Variants in PPP1R14C observed in about 807,000 individuals in gnomAD.
The protein encoded by PPP1R14C is protein phosphatase 1 regulatory subunit 14C.
PPP1R14C carries 16 observed loss-of-function variants against 20.4 expected under a neutral mutation model. The ratio of observed to expected loss-of-function variants is 0.78; its 90% CI spans 0.53 to 1.19. The LOEUF is 1.19. PPP1R14C is among the 50% of genes most tolerant of loss of function. The pLI, the probability that PPP1R14C is intolerant of heterozygous loss-of-function variation, is 0.00. For synonymous variants in PPP1R14C, 91 were observed against 91.0 expected (o/e 1.00, Z 0.00); for missense variants, 211 against 220.1 (o/e 0.96, Z 0.26).
At position 150,143,606 on chromosome 6, in the gene PPP1R14C, G is replaced by A; in HGVS notation, c.306+108G>A. The A allele has an allele frequency of 1.3e-6, 1 of 797,504 alleles. No individual in the cohort carries two copies. The highest frequency in any genetic ancestry group is 3.3e-5 in the East Asian group (1 of 30,302). 49.4% of individuals were successfully genotyped at this position (797,504 alleles called of 1,614,324 possible). ...CGGGGCGCGCATGTCCCTGACTCCCGGGGACCAAGTGCCAGGAGCGAGGCG... is the reference window on the plus strand; with the variant it reads ...CGGGGCGCGCATGTCCCTGACTCCCAGGGACCAAGTGCCAGGAGCGAGGCG... On this transcript the variant is annotated intron_variant, in intron 1 of 3. Coordinates refer to ENST00000361131, the MANE Select transcript of PPP1R14C (RefSeq NM_030949.3). The surrounding 1 kb of genome is among the most constrained non-coding windows in gnomAD (Gnocchi z 5.6).
intron 3 of PPP1R14C, among the ~76,000 whole-genome samples, chr6:150,227,631 C>T (rs958849797): frequency 3.3e-5 from 5 of 152,112 alleles, no homozygotes; most frequent in South Asian, 2.1e-4. Context: ...TCGAAAAAGA[C>T]GGCAATCTTG....
At chr6:150,208,452 T>A (rs1254842168) in intron 1 of PPP1R14C, among the ~76,000 whole-genome samples, 2 of 151,956 alleles carry the variant, frequency 1.3e-5, no homozygotes, top group Non-Finnish European at 2.9e-5. Flanking sequence ...GTGGGAACAT[T>A]TTTTTTTGCA....
At chr6:150,228,848 A>G (rs1036740655) in intron 3 of PPP1R14C, among the ~76,000 whole-genome samples, 8 of 152,128 alleles carry the variant, frequency 5.3e-5, no homozygotes, top group African/African-American at 1.9e-4. Flanking sequence ...GATCAGAAGA[A>G]ATTAGATGGC....
At chr6:150,186,437 G>C (rs1052245881) in intron 1 of PPP1R14C, among the ~76,000 whole-genome samples, 3 of 152,280 alleles carry the variant, frequency 2.0e-5, no homozygotes, top group Admixed American at 2.0e-4. Context: ...GAGCCCTGCT[G>C]TGTGTTTGGA....
intron 1 of PPP1R14C, among the ~76,000 whole-genome samples, chr6:150,177,897 TG>T (rs1347219539): frequency 6.6e-6 from 1 of 152,200 alleles, no homozygotes; most frequent in Non-Finnish European, 1.5e-5. Context: ...GCAAGAAAGA[TG>T]GGCTTCCCTG....
At chr6:150,208,309 C>T (rs759739402) in intron 1 of PPP1R14C, among the ~76,000 whole-genome samples, 2 of 152,066 alleles carry the variant, frequency 1.3e-5, no homozygotes, top group African/African-American at 2.4e-5. Context: ...ATAGGGAAAC[C>T]CACTGACATT....
intron 3 of PPP1R14C, among the ~76,000 whole-genome samples, chr6:150,238,262 G>A (rs906475313): frequency 7.2e-5 from 11 of 152,346 alleles, no homozygotes; most frequent in African/African-American, 2.4e-4. Context: ...AATTATGGCA[G>A]TTAGCTGAAA....
intron 1 of PPP1R14C, among the ~76,000 whole-genome samples, chr6:150,168,108 C>G (rs1327419106): frequency 8.8e-6 from 1 of 113,886 alleles, no homozygotes; most frequent in Non-Finnish European, 1.8e-5. Context: ...TCCCCTTTTA[C>G]TTCCCTCCCC....
intron 1 of PPP1R14C, among the ~76,000 whole-genome samples, chr6:150,155,963 C>T (rs537624988): frequency 2.2e-5 from 3 of 137,186 alleles, no homozygotes; most frequent in Middle Eastern, 4.3e-3. Context: ...AGGCAGAGAC[C>T]GTAGTGAGCC....
rs201128293 is a variant in PPP1R14C, at chr6:150,188,845, AT to A, written c.307-25893del. On this transcript the variant is annotated intron_variant, in intron 1 of 3. Transcript: ENST00000361131. Reference sequence around the variant, plus strand: ...AGGATTTTTTATTTTTTTATTTTTAATTTTTTAATTATTATTTATTTATTAA... The same window carrying A: ...AGGATTTTTTATTTTTTTATTTTTAATTTTTAATTATTATTTATTTATTAA... 2.3e-3 allele frequency among the ~76,000 whole-genome samples: 345 copies of A among 149,194 alleles called. 4 individuals carry two copies. In the East Asian group the frequency reaches 0.028, roughly 12 times the overall value.
Position 150,168,397 on chromosome 6 carries a change from G to A in PPP1R14C, c.306+24899G>A, listed in dbSNP as rs182517585. Among the ~76,000 whole-genome samples, 178 of 151,866 alleles carry A rather than the reference G, an allele frequency of 1.2e-3. 3 individuals are homozygous for A. The East Asian group carries it at 0.024, about 21-fold the overall frequency. On this transcript the variant is annotated intron_variant, in intron 1 of 3. Transcript: ENST00000361131. Reference sequence around the variant, plus strand: ...TAAAAATACAGATTACCTGGGCGTAGTGGCGGGCGCCTGTAGTCCCAGCTA... The same window carrying A: ...TAAAAATACAGATTACCTGGGCGTAATGGCGGGCGCCTGTAGTCCCAGCTA...
At position 150,143,531 on chromosome 6, in the gene PPP1R14C, C is replaced by T; in HGVS notation, c.306+33C>T. On this transcript the variant is annotated intron_variant, in intron 1 of 3. Transcript: ENST00000361131. This position sits in a 1 kb window ranked among gnomAD's most constrained non-coding sequence, Gnocchi z 5.6. ...GGCGCGGGGCTGGGAGGGTCGGGGA[C>T]CTCTCTAGCTCCTCTGTGCCCGCGC... The T allele has an allele frequency of 7.2e-7, 1 of 1,383,542 alleles. No homozygotes were observed. Among genetic ancestry groups the T allele is most frequent in the Non-Finnish European group, 1.0e-6 (1 of 1,000,368 alleles). 85.7% of individuals were successfully genotyped at this position (1,383,542 alleles called of 1,614,324 possible).
At chr6:150,217,395 C>T (rs1355793878) in intron 3 of PPP1R14C, among the ~76,000 whole-genome samples, 2 of 152,042 alleles carry the variant, frequency 1.3e-5, no homozygotes, top group Non-Finnish European at 2.9e-5. Flanking sequence ...GGGGTTTCAC[C>T]ATGTTGGCCA....
chr6:150,151,694 T>C (rs1777249601), intron 1 of PPP1R14C, among the ~76,000 whole-genome samples: 3 of 152,196 alleles, frequency 2.0e-5, no homozygotes, highest in Non-Finnish European at 4.4e-5. Flanking sequence ...GATGGTGTTA[T>C]CTTCATTTCT....
chr6:150,187,292 T>C (rs1396159519), intron 1 of PPP1R14C, among the ~76,000 whole-genome samples: 1 of 147,534 alleles, frequency 6.8e-6, no homozygotes, highest in Non-Finnish European at 1.5e-5. Flanking sequence ...TGTGTGTGTG[T>C]TTGCATGCTT....
chr6:150,214,390 A>G (rs947346876), intron 1 of PPP1R14C, among the ~76,000 whole-genome samples: 1 of 152,080 alleles, frequency 6.6e-6, no homozygotes, highest in African/African-American at 2.4e-5. Flanking sequence ...TCATTTTTTG[A>G]AAGATTACTT....
intron 2 of PPP1R14C, 85 bp from the exon 3 acceptor site, chr6:150,216,739 A>G: frequency 1.2e-6 from 1 of 866,002 alleles, no homozygotes. Context: ...TAATACTATG[A>G]ATATAAAATG....
At chr6:150,163,385 C>T (rs1306960147) in intron 1 of PPP1R14C, among the ~76,000 whole-genome samples, 2 of 152,048 alleles carry the variant, frequency 1.3e-5, no homozygotes, top group Non-Finnish European at 2.9e-5. Flanking sequence ...AGCAAGACTC[C>T]GTCTCAAAAA....
intron 1 of PPP1R14C, among the ~76,000 whole-genome samples, chr6:150,212,180 A>G (rs1269723369): frequency 6.6e-6 from 1 of 152,196 alleles, no homozygotes; most frequent in Non-Finnish European, 1.5e-5. Flanking sequence ...TTCTGCTACA[A>G]TGCAAGTGCT....
Sources: gnomAD v4.1 joint callset for allele counts (sites outside exome capture counted in the v4.1 genomes callset) on GRCh38, gnomAD v4.1.1 for gene constraint, Gnocchi (gnomAD v3.1) non-coding constraint, MANE v1.5 for transcripts, NCBI Gene and HGNC (gene_info 2026-07-23, HGNC 2026-07-21) for gene names.